The following CHSY3 variants were observed in gnomAD, a reference collection of about 807,000 sequenced individuals.
CHSY3 encodes the protein N-acetylgalactosaminyl-proteoglycan 3-beta-glucuronosyltransferase 3.
Under a neutral mutation model 67.2 loss-of-function variants are expected in CHSY3, and 35 were observed. The ratio of observed to expected loss-of-function variants is 0.52; its 90% confidence interval spans 0.40 to 0.69. The LOEUF (loss-of-function observed/expected upper bound fraction) is 0.69, where lower values mean the gene tolerates loss of function less well. CHSY3 is among the 30% of genes least tolerant of loss of function. The pLI is 0.00. For synonymous variants in CHSY3, 474 were observed against 434.7 expected (o/e 1.09, Z -1.12); for missense variants, 1,069 against 1,138.5 (o/e 0.94, Z 0.88).
At chr5:130,043,027 A>G (rs779046635) in intron 2 of CHSY3, among the ~76,000 whole-genome samples, 17 of 152,038 alleles carry the variant, frequency 1.1e-4, no homozygotes, top group Non-Finnish European at 2.1e-4. Flanking sequence ...AATTTTTGCA[A>G]AGTTATTGTT....
intron 2 of CHSY3, among the ~76,000 whole-genome samples, chr5:130,122,024 A>G (rs1768047230): frequency 6.6e-6 from 1 of 152,204 alleles, no homozygotes; most frequent in Non-Finnish European, 1.5e-5. Flanking sequence ...ACCCGAGGCA[A>G]TATGAGTGAG....
intron 2 of CHSY3, among the ~76,000 whole-genome samples, chr5:129,969,364 T>A (rs969494078): frequency 6.6e-6 from 1 of 151,888 alleles, no homozygotes; most frequent in Non-Finnish European, 1.5e-5. Context: ...TCATTAATGT[T>A]TAATATTAAG....
intron 2 of CHSY3, among the ~76,000 whole-genome samples, chr5:130,133,894 A>C (rs563966941): frequency 1.3e-4 from 19 of 150,708 alleles, no homozygotes; most frequent in African/African-American, 4.1e-4. Flanking sequence ...TATGATACCC[A>C]CTTTCCTCAT....
chr5:129,905,568 C>A lies in CHSY3; in HGVS notation c.739C>A (p.His247Asn). The change falls in exon 1 of 3, where the codon CAC (histidine) becomes AAC (asparagine). Residue 247 changes from histidine to asparagine, a missense_variant. By Grantham distance (68) the His-to-Asn change is moderately conservative (BLOSUM62 1). Transcript: ENST00000305031. ...KKSFMMIKYM[H>N]DHYLDKYEWF... ...GTCCTTCATGATGATCAAGTACATG[C>A]ACGACCACTACCTGGACAAGTATGA... is the stretch of plus-strand genomic sequence containing the variant. 1 of 1,613,822 alleles carries A rather than the reference C, an allele frequency of 6.2e-7. No homozygotes were observed.
intron 2 of CHSY3, among the ~76,000 whole-genome samples, chr5:130,143,756 A>ATATATATATATATATGTGTGTGTG (rs1433405052): frequency 2.0e-5 from 2 of 101,938 alleles, no homozygotes; most frequent in African/African-American, 4.8e-5. Flanking sequence ...ATATATATAT[A>ATATATATATATATATGTGTGTGTG]TGTGTGTGTG....
intron 2 of CHSY3, among the ~76,000 whole-genome samples, chr5:130,037,609 A>T (rs940687577): frequency 1.8e-4 from 27 of 152,178 alleles, no homozygotes; most frequent in African/African-American, 6.5e-4. Context: ...AATCATGCCT[A>T]CTTGTCAGGA....
At chr5:129,924,211 C>T (rs552378362) in intron 2 of CHSY3, among the ~76,000 whole-genome samples, 1 of 152,104 alleles carries the variant, frequency 6.6e-6, no homozygotes, top group Non-Finnish European at 1.5e-5. Context: ...TCCCCCAACC[C>T]CCTACTAACC....
At chr5:130,149,837 T>A (rs1008300647) in intron 2 of CHSY3, among the ~76,000 whole-genome samples, 1 of 152,206 alleles carries the variant, frequency 6.6e-6, no homozygotes, top group South Asian at 2.1e-4. Flanking sequence ...TTTAATGAAA[T>A]GTAAAATTAC....
chr5:130,169,146 C>T (rs994339875), intron 2 of CHSY3, among the ~76,000 whole-genome samples: 12 of 152,010 alleles, frequency 7.9e-5, no homozygotes, highest in Non-Finnish European at 1.6e-4. Context: ...TTAGATTTCA[C>T]TAACCTTCTT....
intron 2 of CHSY3, among the ~76,000 whole-genome samples, chr5:129,944,886 G>A (rs974862173): frequency 1.3e-5 from 2 of 152,234 alleles, no homozygotes; most frequent in South Asian, 2.1e-4. Flanking sequence ...CACAACGTAT[G>A]TGTTAGTAGC....
intron 2 of CHSY3, among the ~76,000 whole-genome samples, chr5:130,058,191 T>C (rs1362350080): frequency 6.6e-6 from 1 of 152,222 alleles, no homozygotes; most frequent in Non-Finnish European, 1.5e-5. Flanking sequence ...TATTTGTTGG[T>C]CATATTGATT....
intron 2 of CHSY3, among the ~76,000 whole-genome samples, chr5:130,086,575 A>G (rs1766637560): frequency 6.6e-6 from 1 of 152,120 alleles, no homozygotes; most frequent in Non-Finnish European, 1.5e-5. Flanking sequence ...ACCATCAGAG[A>G]ATACTACAAA....
At position 130,048,584 on chromosome 5, in the gene CHSY3, C is replaced by T. The variant is rs575638962; in HGVS notation, c.1087-135645C>T. 3.9e-5 allele frequency among the ~76,000 whole-genome samples: 6 copies of T among 152,018 alleles called. No homozygotes were observed. In the South Asian group the frequency reaches 6.2e-4, roughly 16 times the overall value. On this transcript the variant is annotated intron_variant, in intron 2 of 2. Transcript: ENST00000305031. Reference sequence around the variant, plus strand: ...GTCTCTGCAGATTTTTGAAGGTGCTCGTGTATTCAGTTAGGGAAGAAACAA... The same window carrying T: ...GTCTCTGCAGATTTTTGAAGGTGCTTGTGTATTCAGTTAGGGAAGAAACAA...
intron 2 of CHSY3, among the ~76,000 whole-genome samples, chr5:129,944,112 C>T (rs1006303730): frequency 3.9e-5 from 6 of 152,242 alleles, no homozygotes; most frequent in Admixed American, 3.3e-4. Flanking sequence ...AACATCCCCT[C>T]CTGTGGCGCT....
At chr5:130,080,923 G>A (rs1050634191) in intron 2 of CHSY3, among the ~76,000 whole-genome samples, 1 of 152,056 alleles carries the variant, frequency 6.6e-6, no homozygotes, top group Non-Finnish European at 1.5e-5. Context: ...GAAAATTATA[G>A]AGTGATTACT....
intron 2 of CHSY3, among the ~76,000 whole-genome samples, chr5:129,925,845 G>A (rs568234105): frequency 9.4e-4 from 143 of 151,762 alleles, no homozygotes; most frequent in Middle Eastern, 3.4e-3. Flanking sequence ...ATTAAAACAC[G>A]TTTTAGGTAT....
intron 2 of CHSY3, among the ~76,000 whole-genome samples, chr5:130,148,487 GT>G (rs1561559503): frequency 6.6e-6 from 1 of 152,144 alleles, no homozygotes; most frequent in Non-Finnish European, 1.5e-5. Context: ...TTCCACAATG[GT>G]TAAAGCTAAT....
At position 130,143,083 on chromosome 5, in the gene CHSY3, G is replaced by A. The variant is rs189062235; in HGVS notation, c.1087-41146G>A. 3.0e-4 allele frequency among the ~76,000 whole-genome samples: 46 copies of A among 152,258 alleles called. No individual in the cohort carries two copies. The East Asian group carries it at 7.1e-3, about 24-fold the overall frequency. On this transcript the variant is annotated intron_variant, in intron 2 of 2. Coordinates refer to ENST00000305031, the MANE Select transcript of CHSY3 (RefSeq NM_175856.5). ...CATAGCGCATTGCTAGCATTTCAGT[G>A]TATCTATTCAAAAAAATAAATCCTT...
At chr5:130,125,491 A>G (rs1259447233) in intron 2 of CHSY3, among the ~76,000 whole-genome samples, 2 of 152,126 alleles carry the variant, frequency 1.3e-5, no homozygotes, top group African/African-American at 4.8e-5. Context: ...TATTAGTTAT[A>G]CTGCAGTTTT....
Sources: allele counts gnomAD v4.1 joint callset (sites outside exome capture counted in the v4.1 genomes callset), GRCh38; gene constraint gnomAD v4.1.1; transcripts MANE v1.5; gene names NCBI Gene and HGNC (gene_info 2026-07-23, HGNC 2026-07-21).